Variants in QKI observed in about 807,000 individuals in gnomAD.
QKI encodes KH domain-containing RNA-binding protein QKI.
QKI carries 10 observed loss-of-function variants against 39.0 expected under a neutral mutation model. The ratio of observed to expected loss-of-function variants is 0.26; its 90% CI spans 0.16 to 0.43. QKI has a LOEUF of 0.43. Ranked by LOEUF, QKI falls within the 20% of genes least tolerant of loss-of-function variation. QKI has a pLI of 1.00. For synonymous variants in QKI, 204 were observed against 155.4 expected, an observed-to-expected ratio of 1.31 and a Z score of -2.33; for missense variants, 218 against 428.0, an observed-to-expected ratio of 0.51 and a Z score of 4.33.
At position 163,573,765 on chromosome 6, in the gene QKI, A is replaced by G. The variant is rs1783827251; in HGVS notation, c.*3055A>G. 6.6e-6 allele frequency: 1 copy of G among 152,214 alleles called. No individual in the cohort carries two copies. The highest frequency in any genetic ancestry group is 1.5e-5 in the Non-Finnish European group (1 of 68,028). 9.4% of individuals were successfully genotyped at this position (152,214 alleles called of 1,614,324 possible). A position where few individuals can be genotyped will look rare whatever the true frequency, so the allele number is the denominator to read the frequency against. ...TTTGCTGTTTCTATTAACCCACAGC[A>G]TTATTTTAATAAATGTTATAATACC... On this transcript the variant is annotated 3_prime_UTR_variant, in exon 8 of 8. Coordinates refer to ENST00000361752, the MANE Select transcript of QKI (RefSeq NM_006775.3).
At chr6:163,444,026 C>CT (rs1325840424) in intron 1 of QKI, among the ~76,000 whole-genome samples, 1 of 152,160 alleles carries the variant, frequency 6.6e-6, no homozygotes, top group Non-Finnish European at 1.5e-5. Context: ...GTAGAGGAAT[C>CT]TAATTACATG....
chr6:163,519,654 T>C (rs1780031686), intron 3 of QKI, among the ~76,000 whole-genome samples: 1 of 151,912 alleles, frequency 6.6e-6, no homozygotes. Context: ...ATACAGGCAG[T>C]TGATAGATCC....
chr6:163,536,057 C>G (rs906837113), intron 4 of QKI, among the ~76,000 whole-genome samples: 11 of 152,124 alleles, frequency 7.2e-5, no homozygotes, highest in Admixed American at 2.6e-4. Context: ...CTTTATTACC[C>G]TGATAGTTTA....
At chr6:163,568,270 C>A in intron 7 of QKI, 1 of 984,980 alleles carries the variant, frequency 1.0e-6, no homozygotes, top group Non-Finnish European at 1.2e-6. Context: ...CTAATCTTTC[C>A]CTATGTATGC....
chr6:163,491,927 C>T (rs893017968), intron 3 of QKI, among the ~76,000 whole-genome samples: 20 of 152,086 alleles, frequency 1.3e-4, no homozygotes, highest in Admixed American at 1.2e-3. Context: ...TGAAATGAGA[C>T]GTGAGTCTCA....
intron 3 of QKI, among the ~76,000 whole-genome samples, chr6:163,517,778 ATAAC>A (rs1562506335): frequency 1.3e-5 from 2 of 152,174 alleles, no homozygotes; most frequent in East Asian, 1.9e-4. Flanking sequence ...ATCACACCGG[ATAAC>A]TAACTTTTTT....
At chr6:163,434,520 C>T (rs1242098406) in intron 1 of QKI, among the ~76,000 whole-genome samples, 2 of 151,978 alleles carry the variant, frequency 1.3e-5, no homozygotes, top group African/African-American at 4.8e-5. Flanking sequence ...TCGAGACCAT[C>T]CTGGCTAACA....
intron 2 of QKI, among the ~76,000 whole-genome samples, chr6:163,471,716 AAG>A (rs1792201864): frequency 6.6e-6 from 1 of 152,122 alleles, no homozygotes; most frequent in Non-Finnish European, 1.5e-5. Context: ...ATCCAGGAAA[AAG>A]AGGCAAGAAA....
At chr6:163,561,277 T>C (rs1449221934) in intron 4 of QKI, among the ~76,000 whole-genome samples, 1 of 152,194 alleles carries the variant, frequency 6.6e-6, no homozygotes, top group East Asian at 1.9e-4. Flanking sequence ...TGTGTGTGTT[T>C]AACGAACACA....
chr6:163,471,055 C>G (rs1792144803), intron 2 of QKI, among the ~76,000 whole-genome samples: 2 of 151,924 alleles, frequency 1.3e-5, no homozygotes, highest in Admixed American at 1.3e-4. Context: ...ATCATACTTA[C>G]TGATAAACAT....
chr6:163,508,291 A>G (rs1045713016), intron 3 of QKI, among the ~76,000 whole-genome samples: 1 of 152,128 alleles, frequency 6.6e-6, no homozygotes, highest in Non-Finnish European at 1.5e-5. Context: ...ATGCTTAAGA[A>G]ACAGCAAGTA....
intron 4 of QKI, among the ~76,000 whole-genome samples, chr6:163,539,225 G>A (rs1041175284): frequency 3.9e-5 from 6 of 152,162 alleles, no homozygotes; most frequent in African/African-American, 9.7e-5. Context: ...AGTCCTGGAA[G>A]TCATGCTTAG....
chr6:163,415,699 C>T (rs1465195146), intron 1 of QKI, among the ~76,000 whole-genome samples: 1 of 151,852 alleles, frequency 6.6e-6, no homozygotes, highest in African/African-American at 2.4e-5. Context: ...CGAGCCCTCC[C>T]GAGAGCAGGC....
At chr6:163,464,451 C>T (rs569974434) in intron 2 of QKI, among the ~76,000 whole-genome samples, 2 of 151,810 alleles carry the variant, frequency 1.3e-5, no homozygotes, top group Admixed American at 6.6e-5. Context: ...ACAAAATTGA[C>T]AGACCTTTAG....
chr6:163,544,104 C>CT (rs149822510), intron 4 of QKI, among the ~76,000 whole-genome samples: 1 of 152,088 alleles, frequency 6.6e-6, no homozygotes, highest in East Asian at 1.9e-4. Context: ...TAACTACAAC[C>CT]TGCATATACA....
In QKI at chr6:163,574,547, C is replaced by T. The variant is rs183482068; in HGVS notation, c.*3837C>T. 1.3e-5 allele frequency: 2 copies of T among 152,248 alleles called. No individual in the cohort carries two copies. Among genetic ancestry groups the T allele is most frequent in the South Asian group, 2.1e-4 (1 of 4,824 alleles). The allele number at this position is 152,248 out of a possible 1,614,324, so 9.4% of individuals were successfully genotyped here. A position where few individuals can be genotyped will look rare whatever the true frequency, so the allele number is the denominator to read the frequency against. The stretch of plus-strand genomic sequence containing the variant: ...CTTTACAAATACAGTCAGACTAAAA[C>T]ATTAAACAAGAAGTTTAAGGGGGAA... On this transcript the variant is annotated 3_prime_UTR_variant, in exon 8 of 8. Transcript: ENST00000361752.
intron 4 of QKI, among the ~76,000 whole-genome samples, chr6:163,543,085 T>C (rs1224995274): frequency 6.6e-6 from 1 of 152,084 alleles, no homozygotes; most frequent in African/African-American, 2.4e-5. Context: ...AATTATAACC[T>C]GAAAATGTTA....
At chr6:163,569,306 A>G (rs559308558) in intron 7 of QKI, 294 of 1,045,778 alleles carry the variant, frequency 2.8e-4, no homozygotes, top group East Asian at 6.0e-4. Flanking sequence ...TTTTTGTCAT[A>G]TGAAGGTAAA....
chr6:163,416,484 C>G (rs1426761609), intron 1 of QKI: 1 of 152,316 alleles, frequency 6.6e-6, no homozygotes, highest in Non-Finnish European at 1.5e-5. Flanking sequence ...CTGAAAACTA[C>G]AGGTTGAAGA....
Sources: allele counts gnomAD v4.1 joint callset (sites outside exome capture counted in the v4.1 genomes callset), GRCh38; gene constraint gnomAD v4.1.1; transcripts MANE v1.5; gene names NCBI Gene and HGNC (gene_info 2026-07-23, HGNC 2026-07-21).